NRBP2: variants seen among roughly 807,000 people sequenced by gnomAD.
The protein encoded by NRBP2 is nuclear receptor-binding protein 2.
In NRBP2, 47 loss-of-function variants were observed where a neutral mutation model predicts 74.4. That is an observed-to-expected ratio of 0.63 (90% CI 0.50 to 0.81). NRBP2 has a LOEUF of 0.81. Ranked by LOEUF, NRBP2 falls within the 30% of genes least tolerant of loss-of-function variation. The probability of loss-of-function intolerance (pLI) is 0.00; values close to 1 mark genes in which losing one functional copy is unlikely to be tolerated. For missense variants in NRBP2, 613 were observed against 690.1 expected, an observed-to-expected ratio of 0.89 and a Z score of 1.25; for synonymous variants, 312 against 273.8, an observed-to-expected ratio of 1.14 and a Z score of -1.38.
chr8:143,836,940 G>C (rs1359426122), intron 14 of NRBP2, 99 bp downstream of exon 14: 1 of 1,363,290 alleles, frequency 7.3e-7, no homozygotes, highest in Non-Finnish European at 1.0e-6. Context: ...AGGAGAGCTG[G>C]GCTGTGGGGA....
Position 143,838,687 on chromosome 8 carries a change from T to C in NRBP2, c.833A>G (p.Asn278Ser), listed in dbSNP as rs1192821076. 6.2e-7 allele frequency: 1 copy of C among 1,608,110 alleles called. No individual in the cohort carries two copies. Among genetic ancestry groups the C allele is most frequent in the African/African-American group, 1.3e-5 (1 of 74,992 alleles). The change falls in exon 10 of 18, where the codon AAC (asparagine) becomes AGC (serine). Residue 278 changes from asparagine to serine, a missense_variant. Asn to Ser is a conservative substitution (Grantham distance 46). Around this residue, in one of 2 missense-constraint regions of NRBP2, gnomAD observed 332 missense variants for 429.2 expected, o/e 0.77. Coordinates refer to ENST00000442628, the MANE Select transcript of NRBP2 (RefSeq NM_178564.4). The stretch of plus-strand genomic sequence containing the variant: ...GCAGGGCAAGCTGCTTACCCGCATG[T>C]TGGGGTCACTCAGCGAGTGCCTGGC... ...ARARHSLSDP[N>S]MREFILCCLA... is the part of the protein sequence containing the mutation.
rs1818644883 is a variant in NRBP2 at position 143,840,471 on chromosome 8, C to T, written c.129+235G>A. The T allele has an allele frequency of 1.5e-6, 1 of 664,128 alleles. No individual in the cohort carries two copies. Among genetic ancestry groups the T allele is most frequent in the Non-Finnish European group, 2.5e-6 (1 of 398,780 alleles). 41.1% of individuals were successfully genotyped at this position (664,128 alleles called of 1,614,324 possible). A position where few individuals can be genotyped will look rare whatever the true frequency, so the allele number is the denominator to read the frequency against. On this transcript the variant is annotated intron_variant, in intron 1 of 17. Coordinates refer to ENST00000442628, the MANE Select transcript of NRBP2 (RefSeq NM_178564.4). The surrounding 1 kb of genome is among the most constrained non-coding windows in gnomAD (Gnocchi z 5.7). ...TCGAGGGGGATCCCCAGGAAGCTAG[C>T]GGCTGAGTCCAGAGGCATGGGGAGG...
At chr8:143,838,982 G>A (rs1554652701) in intron 8 of NRBP2, 35 bp downstream of exon 8, 1 of 1,564,324 alleles carries the variant, frequency 6.4e-7, no homozygotes, top group South Asian at 1.2e-5. Flanking sequence ...GAAGCGCAGG[G>A]TAGGCACGGG....
rs1196589710 is a variant in NRBP2, at chr8:143,834,391, GA to G, written c.*1270del. The G allele has an allele frequency of 6.6e-6, 1 of 152,256 alleles. No homozygotes were observed. Among genetic ancestry groups the G allele is most frequent in the Non-Finnish European group, 1.5e-5 (1 of 68,052 alleles). 9.4% of individuals were successfully genotyped at this position (152,256 alleles called of 1,614,324 possible). A position where few individuals can be genotyped will look rare whatever the true frequency, so the allele number is the denominator to read the frequency against. On this transcript the variant is annotated 3_prime_UTR_variant, in exon 18 of 18. Coordinates refer to ENST00000442628, the MANE Select transcript of NRBP2 (RefSeq NM_178564.4). ...GGGACCTTGGCCCTGCCACCGAAAG[GA>G]TGTGGATTCTGCCAGCAGCCTGAAG...
chr8:143,838,086 G>C, intron 10 of NRBP2: 3 of 565,840 alleles, frequency 5.3e-6, no homozygotes, highest in South Asian at 4.9e-5. Flanking sequence ...CCCAACACTG[G>C]AGACGACCTT....
chr8:143,831,146 A>G (rs1818150668), downstream of NRBP2, among the ~76,000 whole-genome samples: 1 of 152,262 alleles, frequency 6.6e-6, no homozygotes, highest in African/African-American at 2.4e-5. Flanking sequence ...CGCAGGATGC[A>G]TGGTGCCCAG....
chr8:143,833,516 A>C (rs1818235826), downstream of NRBP2: 1 of 152,200 alleles, frequency 6.6e-6, no homozygotes, highest in South Asian at 2.1e-4. Context: ...AACAGGACTA[A>C]AAGCATGCTC....
Position 143,840,950 on chromosome 8 carries a change from A to G in NRBP2, c.-116T>C. ...GCCTAGAGCCGCCGCGGCAGCCTAG[A>G]GCCCCAGCCCCGGCTCTGGGAATTG... is the stretch of plus-strand genomic sequence containing the variant. On this transcript the variant is annotated 5_prime_UTR_variant, in exon 1 of 18. Coordinates refer to ENST00000442628, the MANE Select transcript of NRBP2 (RefSeq NM_178564.4). This position sits in a 1 kb window ranked among gnomAD's most constrained non-coding sequence, Gnocchi z 5.7. The G allele has an allele frequency of 8.8e-7, 1 of 1,140,028 alleles. No homozygotes were observed. 70.6% of individuals were successfully genotyped at this position (1,140,028 alleles called of 1,614,324 possible).
chr8:143,838,157 G>A (rs1445833892), intron 10 of NRBP2: 3 of 422,492 alleles, frequency 7.1e-6, no homozygotes, highest in South Asian at 4.1e-5. Flanking sequence ...CACCAGCCCC[G>A]ACCAGGCACC....
At chr8:143,838,456 G>T (rs1312642410) in intron 10 of NRBP2, among the ~76,000 whole-genome samples, 1 of 152,232 alleles carries the variant, frequency 6.6e-6, no homozygotes, top group Non-Finnish European at 1.5e-5. Flanking sequence ...CAGAGGGAGG[G>T]TCTCTCTTGC....
At position 143,835,922 on chromosome 8, in the gene NRBP2, C is replaced by A. The variant is rs574323771; in HGVS notation, c.1381+45G>T. On this transcript the variant is annotated intron_variant, in intron 16 of 17. Transcript: ENST00000442628. The surrounding 1 kb of genome is among the most constrained non-coding windows in gnomAD (Gnocchi z 4.9). ...AGGCATGAGGCCGCTGCCCACCCGC[C>A]GCCTGGGGTCACCGCCCGCCGCCCA... The A allele has an allele frequency of 1.7e-5, 27 of 1,591,896 alleles. No homozygotes were observed. Among genetic ancestry groups the A allele is most frequent in the Non-Finnish European group, 2.1e-5 (25 of 1,173,824 alleles).
Position 143,835,379 on chromosome 8 carries a change from T to C in NRBP2, c.*283A>G. The stretch of plus-strand genomic sequence containing the variant: ...AGTGGCCCCGGCCAGGCAGCCTGGG[T>C]AGGAACTCAGGGCGGAGAATGGAGG... On this transcript the variant is annotated 3_prime_UTR_variant, in exon 18 of 18. Transcript: ENST00000442628. The surrounding 1 kb of genome is among the most constrained non-coding windows in gnomAD (Gnocchi z 4.9). 1.8e-6 allele frequency: 1 copy of C among 541,436 alleles called. No individual in the cohort carries two copies. Among genetic ancestry groups the C allele is most frequent in the Non-Finnish European group, 3.3e-6 (1 of 303,490 alleles). 33.5% of individuals were successfully genotyped at this position (541,436 alleles called of 1,614,324 possible). A position where few individuals can be genotyped will look rare whatever the true frequency, so the allele number is the denominator to read the frequency against.
chr8:143,830,134 T>C (rs1467968645), downstream of NRBP2, among the ~76,000 whole-genome samples: 5 of 152,352 alleles, frequency 3.3e-5, no homozygotes, highest in East Asian at 9.6e-4. Flanking sequence ...TACAGACACT[T>C]CTACTTAAAT....
chr8:143,839,982 TCGGGTGGTCCACCA>T lies in NRBP2; in HGVS notation c.287_300del (p.Leu96GlnfsTer14). The T allele has an allele frequency of 2.0e-6, 3 of 1,536,166 alleles. No homozygotes were observed. Among genetic ancestry groups the T allele is most frequent in the Non-Finnish European group, 2.6e-6 (3 of 1,146,896 alleles). ...CAGTACTTGTGCAACTTCACGATGT[TCGGGTGGTCCACCA>T]GCACCAGCTGCTCGAACACGGTCTG... On this transcript the variant is annotated frameshift_variant, in exon 3 of 18. Transcript: ENST00000442628. LOFTEE classifies it high-confidence loss of function. The surrounding 1 kb of genome is among the most constrained non-coding windows in gnomAD (Gnocchi z 5.1).
rs782290186 is a variant in NRBP2 at position 143,837,421 on chromosome 8, G to A, written c.1062C>T (p.Pro354=). The part of the protein sequence containing the change: ...VLAELPRPRR[P]PLQWRYSEVS... Reference sequence around the variant, plus strand: ...TGACTGCTCACCGCCACTGCAGCGGGGGCCTGCGGGGCCGGGGAAGCTCCG... The same window carrying A: ...TGACTGCTCACCGCCACTGCAGCGGAGGCCTGCGGGGCCGGGGAAGCTCCG... Residue 354 remains proline (P), a synonymous_variant, in exon 12 of 18, where the codon CCC becomes CCT. Transcript: ENST00000442628. This position sits in a 1 kb window ranked among gnomAD's most constrained non-coding sequence, Gnocchi z 4.3. 1.9e-6 allele frequency: 3 copies of A among 1,603,134 alleles called. No homozygotes were observed. The highest frequency in any genetic ancestry group is 1.7e-6 in the Non-Finnish European group (2 of 1,176,368).
Position 143,839,314 on chromosome 8 carries a change from C to G in NRBP2, c.580G>C (p.Val194Leu), listed in dbSNP as rs1554652923. 1.3e-6 allele frequency: 2 copies of G among 1,563,532 alleles called. No homozygotes were observed. Reference sequence around the variant, plus strand: ...CCACCCAGCCCTGCCCCGCCAGCACCGGAGCCGATCTTGATGAGGCCGTTG... The same window carrying G: ...CCACCCAGCCCTGCCCCGCCAGCACGGGAGCCGATCTTGATGAGGCCGTTG... ...QHNGLIKIGS[V>L]WHRIFSNALP... is the part of the protein sequence containing the mutation. The change falls in exon 6 of 18, where the codon GTG (valine) becomes CTG (leucine). Residue 194 changes from valine to leucine, a missense_variant and splice_region_variant. Around this residue, in one of 2 missense-constraint regions of NRBP2, gnomAD observed 332 missense variants for 429.2 expected, o/e 0.77. Transcript: ENST00000442628. This position sits in a 1 kb window ranked among gnomAD's most constrained non-coding sequence, Gnocchi z 5.1.
At position 143,835,939 on chromosome 8, in the gene NRBP2, C is replaced by T. The variant is rs551766342; in HGVS notation, c.1381+28G>A. 8.7e-5 allele frequency: 138 copies of T among 1,590,992 alleles called. No individual in the cohort carries two copies. Among genetic ancestry groups the T allele is most frequent in the Non-Finnish European group, 1.1e-4 (125 of 1,173,216 alleles). ...CCACCCGCCGCCTGGGGTCACCGCC[C>T]GCCGCCCAAGTCCCCTGCCCAGCCT... On this transcript the variant is annotated intron_variant, in intron 16 of 17. Transcript: ENST00000442628. The surrounding 1 kb of genome is among the most constrained non-coding windows in gnomAD (Gnocchi z 4.9).
Position 143,835,204 on chromosome 8 carries a change from G to C in NRBP2, c.*458C>G, listed in dbSNP as rs1554651127. ...CGCTGGCTTGCTGTGCAGGCTCCTT[G>C]TGTGGGTCTATGGTGCCAGCAGGGG... On this transcript the variant is annotated 3_prime_UTR_variant, in exon 18 of 18. Coordinates refer to ENST00000442628, the MANE Select transcript of NRBP2 (RefSeq NM_178564.4). This position sits in a 1 kb window ranked among gnomAD's most constrained non-coding sequence, Gnocchi z 4.9. The C allele has an allele frequency of 5.2e-6, 1 of 190,860 alleles. No homozygotes were observed. Among genetic ancestry groups the C allele is most frequent in the African/African-American group, 2.4e-5 (1 of 41,722 alleles). 11.8% of individuals were successfully genotyped at this position (190,860 alleles called of 1,614,324 possible).
At chr8:143,832,915 A>T (rs1027345722), downstream of NRBP2, among the ~76,000 whole-genome samples, 46 of 152,268 alleles carry the variant, frequency 3.0e-4, no homozygotes, top group African/African-American at 1.1e-3. Context: ...GTTCCACCTT[A>T]CGAGAAACAC....
Sources: allele counts gnomAD v4.1 joint callset (sites outside exome capture counted in the v4.1 genomes callset), GRCh38; gene constraint gnomAD v4.1.1; regional missense constraint gnomAD v4.1.1; non-coding constraint Gnocchi (gnomAD v3.1); transcripts MANE v1.5; gene names NCBI Gene and HGNC (gene_info 2026-07-23, HGNC 2026-07-21).